KIAA0586: variants seen among roughly 807,000 people sequenced by gnomAD.
KIAA0586 encodes the protein KIAA0586.
Under a neutral mutation model 169.8 loss-of-function variants are expected in KIAA0586, and 144 were observed. That is an observed-to-expected ratio of 0.85 (90% confidence interval 0.74 to 0.97). The LOEUF (loss-of-function observed/expected upper bound fraction) is 0.97. Among genes scored for constraint, KIAA0586 ranks in the 50% least tolerant of loss-of-function variants. KIAA0586 has a pLI of 0.00. For missense variants in KIAA0586, 1,854 were observed against 1,823.0 expected, an observed-to-expected ratio of 1.02 and a Z score of -0.31; for synonymous variants, 625 against 612.4, an observed-to-expected ratio of 1.02 and a Z score of -0.30.
intron 2 of KIAA0586, among the ~76,000 whole-genome samples, chr14:58,430,064 T>C (rs1350273331): frequency 6.6e-6 from 1 of 152,190 alleles, no homozygotes; most frequent in East Asian, 1.9e-4. Flanking sequence ...CAATTGAGAC[T>C]ATATGACAAT....
intron 29 of KIAA0586, among the ~76,000 whole-genome samples, chr14:58,527,271 A>G (rs1366169295): frequency 1.3e-5 from 2 of 152,230 alleles, no homozygotes; most frequent in East Asian, 1.9e-4. Context: ...ACCAAGTTGG[A>G]AAACACTCTT....
intron 21 of KIAA0586, among the ~76,000 whole-genome samples, chr14:58,483,947 T>C (rs1019233141): frequency 6.6e-5 from 10 of 152,230 alleles, no homozygotes; most frequent in Admixed American, 1.3e-4. Flanking sequence ...TTTTGATCTG[T>C]GCTTTATTAG....
intron 20 of KIAA0586, among the ~76,000 whole-genome samples, chr14:58,482,118 T>C (rs978683088): frequency 6.6e-6 from 1 of 151,760 alleles, no homozygotes; most frequent in Non-Finnish European, 1.5e-5. Context: ...GGCCGGCATC[T>C]CTGAACTTTT....
intron 16 of KIAA0586, 88 bp from the exon 17 acceptor site, chr14:58,470,525 A>T (rs1051337028): frequency 3.5e-5 from 24 of 694,482 alleles, no homozygotes; most frequent in Non-Finnish European, 4.5e-5. Flanking sequence ...GTGTATACAC[A>T]CACACATATA....
chr14:58,442,359 T>C (rs898758372), intron 4 of KIAA0586, among the ~76,000 whole-genome samples: 11 of 152,228 alleles, frequency 7.2e-5, no homozygotes, highest in Non-Finnish European at 1.0e-4. Flanking sequence ...CCACCTGCCT[T>C]GGCCTCCCAA....
Position 58,427,826 on chromosome 14 carries a change from C to T in KIAA0586, c.-439C>T. The T allele has an allele frequency of 1.4e-6, 2 of 1,446,200 alleles. No homozygotes were observed. The highest frequency in any genetic ancestry group is 1.8e-6 in the Non-Finnish European group (2 of 1,102,642). The allele number at this position is 1,446,200 out of a possible 1,614,324, so 89.6% of individuals were successfully genotyped here. On this transcript the variant is annotated 5_prime_UTR_variant, in exon 1 of 31. Transcript: ENST00000652326. ...TGCATCTGGAGGGGTGTGTAAGACT[C>T]TGTGGCTGAAGAAAGCTATTACGCT...
At chr14:58,542,305 C>A (rs953357047) in intron 30 of KIAA0586, among the ~76,000 whole-genome samples, 1 of 152,014 alleles carries the variant, frequency 6.6e-6, no homozygotes, top group African/African-American at 2.4e-5. Context: ...GGTGAAACCC[C>A]GTCTCTACTA....
chr14:58,542,897 T>C lies in KIAA0586; in HGVS notation c.4495+2761T>C, dbSNP rs529897310. 7.2e-5 allele frequency among the ~76,000 whole-genome samples: 11 copies of C among 151,816 alleles called. No homozygotes were observed. In the East Asian group the frequency reaches 2.1e-3, roughly 29 times the overall value. ...TGGCTCACACCTGTAATCCCAGCAC[T>C]TTGGGAGGCCGAGGCAGGTGGATCA... On this transcript the variant is annotated intron_variant, in intron 30 of 30. Transcript: ENST00000652326.
chr14:58,449,605 G>A (rs1446212200), intron 7 of KIAA0586, among the ~76,000 whole-genome samples: 1 of 152,148 alleles, frequency 6.6e-6, no homozygotes, highest in African/African-American at 2.4e-5. Flanking sequence ...TATGAAGAGA[G>A]GACAGTGAAG....
Position 58,547,897 on chromosome 14 carries a change from G to A in KIAA0586, c.4612G>A (p.Glu1538Lys), listed in dbSNP as rs1260646434. The change falls in exon 31 of 31, where the codon GAG becomes AAG. Residue 1538 changes from glutamate (E) to lysine (K), a missense_variant. Physicochemically the swap from Glu to Lys is moderately conservative, Grantham distance 56. Transcript: ENST00000652326. ...GTCTCTGAGTCTCAGCACAATGCAG[G>A]AGGACATGGAGTCTTCGGGGGCAGA... is the stretch of plus-strand genomic sequence containing the variant. ...SQSLSLSTMQ[E>K]DMESSGADTF 2 of 1,613,626 alleles carry A rather than the reference G, an allele frequency of 1.2e-6. No individual in the cohort carries two copies. The highest frequency in any genetic ancestry group is 1.7e-6 in the Non-Finnish European group (2 of 1,179,758).
chr14:58,472,326 T>C (rs1174833045), intron 18 of KIAA0586, 47 bp downstream of exon 18: 1 of 1,131,974 alleles, frequency 8.8e-7, no homozygotes, highest in Non-Finnish European at 1.2e-6. Flanking sequence ...TACCGGTATT[T>C]TTCCAGGTTG....
downstream of KIAA0586, among the ~76,000 whole-genome samples, chr14:58,551,622 T>C (rs759707649): frequency 7.3e-5 from 11 of 151,550 alleles, no homozygotes; most frequent in Non-Finnish European, 1.5e-4. Context: ...ATTAGCCAGA[T>C]GTGGTGGCGT....
chr14:58,545,810 A>T (rs2046942772), intron 30 of KIAA0586, among the ~76,000 whole-genome samples: 1 of 151,996 alleles, frequency 6.6e-6, no homozygotes, highest in Admixed American at 6.6e-5. Flanking sequence ...GAGACCAAGG[A>T]GTTTGAGACA....
At chr14:58,488,569 A>G (rs1438909988) in intron 23 of KIAA0586, 52 bp from the exon 24 acceptor site, 2 of 1,586,870 alleles carry the variant, frequency 1.3e-6, no homozygotes, top group African/African-American at 2.7e-5. Flanking sequence ...ATCAAAATGA[A>G]TACAGGCCTT....
intron 21 of KIAA0586, among the ~76,000 whole-genome samples, chr14:58,482,964 T>C (rs1006541599): frequency 6.6e-6 from 1 of 152,188 alleles, no homozygotes; most frequent in African/African-American, 2.4e-5. Flanking sequence ...CTTGTTGCTA[T>C]GATTAAAGTA....
chr14:58,475,999 G>T (rs2041590698), intron 19 of KIAA0586, among the ~76,000 whole-genome samples: 1 of 152,212 alleles, frequency 6.6e-6, no homozygotes, highest in South Asian at 2.1e-4. Context: ...TCGGGAGACT[G>T]AGACAGGAGA....
At position 58,427,722 on chromosome 14, in the gene KIAA0586, G is replaced by A; in HGVS notation, c.-543G>A. 1 of 1,534,908 alleles carries A rather than the reference G, an allele frequency of 6.5e-7. No individual in the cohort carries two copies. Among genetic ancestry groups the A allele is most frequent in the East Asian group, 2.4e-5 (1 of 40,906 alleles). On this transcript the variant is annotated 5_prime_UTR_variant, in exon 1 of 31. Transcript: ENST00000652326. Reference sequence around the variant, plus strand: ...TGTTGACCTGCGGGCAACTGACGCTGTTGTCAGATTACACCCACGACGGTG... The same window carrying A: ...TGTTGACCTGCGGGCAACTGACGCTATTGTCAGATTACACCCACGACGGTG...
chr14:58,544,128 T>C (rs1297475441), intron 30 of KIAA0586, among the ~76,000 whole-genome samples: 1 of 152,222 alleles, frequency 6.6e-6, no homozygotes, highest in East Asian at 1.9e-4. Flanking sequence ...TATTTGGTTT[T>C]CTGTTCCTGC....
intron 10 of KIAA0586, 118 bp downstream of exon 10, chr14:58,456,928 A>G (rs1023381097): frequency 1.6e-6 from 1 of 643,546 alleles, no homozygotes; most frequent in African/African-American, 1.8e-5. Flanking sequence ...TGAAAAAGAT[A>G]TGTCAGCCAC....
Sources: allele counts gnomAD v4.1 joint callset (sites outside exome capture counted in the v4.1 genomes callset), GRCh38; gene constraint gnomAD v4.1.1; transcripts MANE v1.5; gene names NCBI Gene and HGNC (gene_info 2026-07-23, HGNC 2026-07-21).